The following PDHX variants were observed in gnomAD, a reference collection of about 807,000 sequenced individuals.
PDHX encodes the protein pyruvate dehydrogenase complex component X, also known as pyruvate dehydrogenase protein X component, mitochondrial.
PDHX carries 33 observed loss-of-function variants against 55.3 expected under a neutral mutation model. The ratio of observed to expected loss-of-function variants is 0.60; its 90% CI spans 0.45 to 0.80. PDHX has a LOEUF of 0.80. Ranked by LOEUF, PDHX falls within the 30% of genes least tolerant of loss-of-function variation. PDHX has a pLI of 0.00. For synonymous variants in PDHX, 226 were observed against 219.4 expected (o/e 1.03, Z -0.27); for missense variants, 622 against 619.9 (o/e 1.00, Z -0.04).
intron 2 of PDHX, among the ~76,000 whole-genome samples, chr11:34,935,579 C>G (rs1854289609): frequency 6.6e-6 from 1 of 152,136 alleles, no homozygotes; most frequent in African/African-American, 2.4e-5. Context: ...TTTTAGCACC[C>G]TATGTAGCTG....
At chr11:34,991,917 A>C (rs1181385193) in intron 9 of PDHX, among the ~76,000 whole-genome samples, 1 of 151,378 alleles carries the variant, frequency 6.6e-6, no homozygotes, top group Non-Finnish European at 1.5e-5. Flanking sequence ...AAAAAAAAAA[A>C]AAAAAAAAAA....
At chr11:34,924,392 T>C (rs1853968220) in intron 1 of PDHX, among the ~76,000 whole-genome samples, 1 of 152,186 alleles carries the variant, frequency 6.6e-6, no homozygotes, top group Non-Finnish European at 1.5e-5. Flanking sequence ...GCCTAATTTT[T>C]GTATTTTTAG....
At chr11:34,966,545 C>A (rs1855134253) in intron 5 of PDHX, 95 bp from the exon 6 acceptor site, 4 of 1,136,494 alleles carry the variant, frequency 3.5e-6, no homozygotes, top group Non-Finnish European at 5.4e-6. Context: ...CTGTATATTT[C>A]TGTATCTTTT....
intron 8 of PDHX, among the ~76,000 whole-genome samples, chr11:34,982,553 A>G (rs2133995571): frequency 6.6e-6 from 1 of 152,272 alleles, no homozygotes; most frequent in South Asian, 2.1e-4. Flanking sequence ...AAAAGAGAGA[A>G]GAATCAAATA....
At chr11:34,945,033 A>T (rs1215941526) in intron 2 of PDHX, among the ~76,000 whole-genome samples, 1 of 152,020 alleles carries the variant, frequency 6.6e-6, no homozygotes, top group African/African-American at 2.4e-5. Flanking sequence ...CTAATGCTGT[A>T]GATTATATTT....
At chr11:34,977,435 A>G (rs1343370825) in intron 7 of PDHX, among the ~76,000 whole-genome samples, 2 of 152,158 alleles carry the variant, frequency 1.3e-5, no homozygotes, top group African/African-American at 2.4e-5. Flanking sequence ...CTGGAAAGAA[A>G]TTGATTCAAA....
intron 2 of PDHX, among the ~76,000 whole-genome samples, chr11:34,940,470 ATGTT>A (rs1041464260): frequency 8.5e-5 from 13 of 152,220 alleles, no homozygotes; most frequent in Middle Eastern, 3.2e-3. Flanking sequence ...CAATATGTAT[ATGTT>A]TGTGGTGCTA....
intron 1 of PDHX, among the ~76,000 whole-genome samples, chr11:34,927,653 T>C (rs2133942997): frequency 6.6e-6 from 1 of 152,200 alleles, no homozygotes; most frequent in Admixed American, 6.5e-5. Flanking sequence ...CAAAAGAGGG[T>C]ATGCTAGAAT....
At chr11:34,985,773 C>T (rs1855627898) in intron 9 of PDHX, among the ~76,000 whole-genome samples, 1 of 152,070 alleles carries the variant, frequency 6.6e-6, no homozygotes, top group Non-Finnish European at 1.5e-5. Flanking sequence ...TGAGGTAGAA[C>T]GTAAGACTTC....
intron 5 of PDHX, among the ~76,000 whole-genome samples, chr11:34,966,348 C>G (rs1318214351): frequency 6.6e-6 from 1 of 152,020 alleles, no homozygotes; most frequent in East Asian, 1.9e-4. Flanking sequence ...GTCCACTGCA[C>G]AGAAAAAAAG....
chr11:34,985,435 A>T (rs1260660795), intron 9 of PDHX, among the ~76,000 whole-genome samples: 2 of 152,192 alleles, frequency 1.3e-5, no homozygotes, highest in Non-Finnish European at 2.9e-5. Context: ...ATGAGACTCC[A>T]TCTCAAAAAA....
chr11:34,931,262 A>G, intron 1 of PDHX, 142 bp from the exon 2 acceptor site: 1 of 650,868 alleles, frequency 1.5e-6, no homozygotes, highest in Non-Finnish European at 2.8e-6. Context: ...CTGGAGACTT[A>G]GTTTACCAGT....
At chr11:34,987,431 A>C (rs1037440718) in intron 9 of PDHX, among the ~76,000 whole-genome samples, 1 of 152,202 alleles carries the variant, frequency 6.6e-6, no homozygotes, top group African/African-American at 2.4e-5. Context: ...GGCACCTTGC[A>C]TGGCCTATTT....
intron 7 of PDHX, among the ~76,000 whole-genome samples, chr11:34,972,483 C>T (rs1319228550): frequency 1.3e-5 from 2 of 151,462 alleles, no homozygotes; most frequent in Non-Finnish European, 2.9e-5. Context: ...CTTCAACCAC[C>T]GCCTCCTGGG....
intron 2 of PDHX, among the ~76,000 whole-genome samples, chr11:34,945,188 T>C (rs961815614): frequency 6.6e-6 from 1 of 152,208 alleles, no homozygotes; most frequent in Non-Finnish European, 1.5e-5. Context: ...CAGCTGAATA[T>C]ATCAAAGTTG....
At position 34,916,736 on chromosome 11, in the gene PDHX, G is replaced by A; in HGVS notation, c.81G>A (p.Gly27=). The change falls in exon 1 of 11, where the codon GGG becomes GGA. Residue 27 remains glycine (G), a synonymous_variant. Transcript: ENST00000227868. ...LVGFPGRRSV[G]LVKGALGWSV... ...GCTTCCCCGGCCGCCGAAGCGTAGG[G>A]CTGGTGAAGGGGGCTCTTGGGTGGT... The A allele has an allele frequency of 6.2e-7, 1 of 1,613,420 alleles. No homozygotes were observed. Among genetic ancestry groups the A allele is most frequent in the Non-Finnish European group, 8.5e-7 (1 of 1,179,854 alleles).
chr11:34,978,598 G>A (rs984569876), intron 8 of PDHX, among the ~76,000 whole-genome samples: 4 of 152,084 alleles, frequency 2.6e-5, no homozygotes, highest in African/African-American at 7.2e-5. Context: ...CTGACAAGGC[G>A]ATAATTTAGA....
At chr11:34,994,269 G>GT (rs1408627659) in intron 10 of PDHX, among the ~76,000 whole-genome samples, 2 of 152,162 alleles carry the variant, frequency 1.3e-5, no homozygotes, top group Non-Finnish European at 2.9e-5. Context: ...ACTGAATACC[G>GT]TAAGCAGTTG....
At chr11:34,993,105 G>C (rs74781263) in intron 10 of PDHX, among the ~76,000 whole-genome samples, 29 of 152,120 alleles carry the variant, frequency 1.9e-4, no homozygotes, top group Non-Finnish European at 2.9e-4. Flanking sequence ...CTCATCAGCC[G>C]TTTGGGTATC....
Sources: allele counts gnomAD v4.1 joint callset (sites outside exome capture counted in the v4.1 genomes callset), GRCh38; gene constraint gnomAD v4.1.1; transcripts MANE v1.5; gene names NCBI Gene and HGNC (gene_info 2026-07-23, HGNC 2026-07-21).